The following SLC35D2 variants were observed in gnomAD, a reference collection of about 807,000 sequenced individuals.
The protein encoded by SLC35D2 is solute carrier family 35 member D2.
Under a neutral mutation model 41.8 loss-of-function variants are expected in SLC35D2, and 43 were observed. The ratio of observed to expected loss-of-function variants is 1.03; its 90% confidence interval spans 0.81 to 1.33. The LOEUF is 1.33. Among genes scored for constraint, SLC35D2 ranks in the 40% most tolerant of loss-of-function variants. The pLI is 0.00. For synonymous variants in SLC35D2, 150 were observed against 163.9 expected, an observed-to-expected ratio of 0.92 and a Z score of 0.65; for missense variants, 380 against 408.4, an observed-to-expected ratio of 0.93 and a Z score of 0.60.
chr9:96,346,927 G>A (rs771671468), intron 6 of SLC35D2, among the ~76,000 whole-genome samples: 2 of 151,800 alleles, frequency 1.3e-5, no homozygotes, highest in Non-Finnish European at 2.9e-5. Context: ...ACCTGAGGTC[G>A]GGAGTTCGAA....
intron 6 of SLC35D2, chr9:96,350,740 CA>C (rs1829778355): frequency 5.9e-6 from 1 of 169,738 alleles, no homozygotes; most frequent in South Asian, 1.8e-4. Context: ...AATAAATCAG[CA>C]GACAAAGGCT....
chr9:96,324,798 AC>A (rs2130838459), intron 9 of SLC35D2, among the ~76,000 whole-genome samples: 1 of 151,612 alleles, frequency 6.6e-6, no homozygotes, highest in Non-Finnish European at 1.5e-5. Flanking sequence ...CAGGCAATCC[AC>A]CCGCCTTGGC....
chr9:96,362,556 A>T (rs1486606075), intron 3 of SLC35D2, among the ~76,000 whole-genome samples: 1 of 152,090 alleles, frequency 6.6e-6, no homozygotes, highest in Non-Finnish European at 1.5e-5. Flanking sequence ...ATTTAGAATA[A>T]TTACAAAGAA....
At chr9:96,371,535 A>G (rs962879775) in intron 1 of SLC35D2, among the ~76,000 whole-genome samples, 14 of 149,488 alleles carry the variant, frequency 9.4e-5, no homozygotes, top group African/African-American at 1.2e-4. Context: ...AAGAAACTCA[A>G]TAACTTTAGC....
intron 4 of SLC35D2, among the ~76,000 whole-genome samples, chr9:96,358,093 T>C (rs1229396697): frequency 2.6e-5 from 2 of 76,158 alleles, no homozygotes; most frequent in East Asian, 1.9e-3. Flanking sequence ...TATATATATA[T>C]ATATATATAT....
intron 4 of SLC35D2, among the ~76,000 whole-genome samples, chr9:96,353,374 G>GTTTATTTATTT (rs1829890728): frequency 1.4e-5 from 1 of 71,914 alleles, no homozygotes; most frequent in African/African-American, 7.2e-5. Context: ...TTTATTTAGA[G>GTTTATTTATTT]ATAGAGTCTC....
At chr9:96,336,050 CAAAAA>C (rs56681611) in intron 9 of SLC35D2, among the ~76,000 whole-genome samples, 2 of 110,272 alleles carry the variant, frequency 1.8e-5, no homozygotes. Context: ...ACTCCATCTT[CAAAAA>C]AAAAAAAAAA....
intron 9 of SLC35D2, among the ~76,000 whole-genome samples, chr9:96,325,983 A>C (rs975827002): frequency 8.5e-5 from 13 of 152,212 alleles, no homozygotes; most frequent in African/African-American, 3.1e-4. Context: ...GAATAAACTT[A>C]ACTTCAAACT....
chr9:96,323,608 C>G (rs947029832), intron 10 of SLC35D2, among the ~76,000 whole-genome samples: 4 of 152,066 alleles, frequency 2.6e-5, no homozygotes, highest in Non-Finnish European at 5.9e-5. Flanking sequence ...CAATCTGTCC[C>G]TCTATTCTAT....
At chr9:96,371,012 C>A (rs1830651530) in intron 1 of SLC35D2, among the ~76,000 whole-genome samples, 1 of 152,050 alleles carries the variant, frequency 6.6e-6, no homozygotes, top group South Asian at 2.1e-4. Context: ...GATCATAGTG[C>A]ATGCAGAGGA....
intron 4 of SLC35D2, among the ~76,000 whole-genome samples, chr9:96,356,500 T>C (rs1274745231): frequency 6.7e-6 from 1 of 149,816 alleles, no homozygotes; most frequent in Non-Finnish European, 1.5e-5. Context: ...GTTGGTGTAC[T>C]TATGCTTTCC....
intron 6 of SLC35D2, 26 bp downstream of exon 6, chr9:96,351,077 T>G (rs746770235): frequency 6.4e-7 from 1 of 1,553,486 alleles, no homozygotes; most frequent in South Asian, 1.1e-5. Flanking sequence ...AAGAAGTTAT[T>G]GAGCAGAAAC....
chr9:96,366,864 T>G (rs970111679), intron 2 of SLC35D2, among the ~76,000 whole-genome samples: 1 of 151,972 alleles, frequency 6.6e-6, no homozygotes, highest in African/African-American at 2.4e-5. Context: ...ATTCTTGTTA[T>G]GATTGTTTCT....
At chr9:96,330,474 A>G (rs1413065959) in intron 9 of SLC35D2, among the ~76,000 whole-genome samples, 1 of 152,236 alleles carries the variant, frequency 6.6e-6, no homozygotes, top group Non-Finnish European at 1.5e-5. Context: ...GAATGAAGAC[A>G]GTAACAAAGA....
intron 9 of SLC35D2, among the ~76,000 whole-genome samples, chr9:96,335,318 C>T (rs2130876365): frequency 6.6e-6 from 1 of 152,170 alleles, no homozygotes; most frequent in Middle Eastern, 3.4e-3. Flanking sequence ...AGTGTGGAGG[C>T]GAGGAAGAAT....
intron 9 of SLC35D2, among the ~76,000 whole-genome samples, chr9:96,330,181 G>C (rs1169065407): frequency 1.3e-5 from 2 of 152,194 alleles, no homozygotes; most frequent in Admixed American, 1.3e-4. Context: ...AAAGAGGGAT[G>C]GATTCGCCTC....
chr9:96,317,170 A>T (rs1300244237), downstream of SLC35D2, among the ~76,000 whole-genome samples: 1 of 152,116 alleles, frequency 6.6e-6, no homozygotes, highest in African/African-American at 2.4e-5. Flanking sequence ...ACAGCAAGAA[A>T]TAGTCCAAGT....
At chr9:96,317,390 C>T (rs1828078430), downstream of SLC35D2, among the ~76,000 whole-genome samples, 1 of 152,094 alleles carries the variant, frequency 6.6e-6, no homozygotes, top group East Asian at 1.9e-4. Context: ...CACTTCTCCA[C>T]CTCCAGCACC....
At chr9:96,313,684 G>C (rs1827984671) in exon 12 of SLC35D2, among the ~76,000 whole-genome samples, 1 of 152,200 alleles carries the variant, frequency 6.6e-6, no homozygotes, top group African/African-American at 2.4e-5. Flanking sequence ...AAGAAGCTTA[G>C]GGCAAAGACC....
Sources: gnomAD v4.1 joint callset for allele counts (sites outside exome capture counted in the v4.1 genomes callset) on GRCh38, gnomAD v4.1.1 for gene constraint, MANE v1.5 for transcripts, NCBI Gene and HGNC (gene_info 2026-07-23, HGNC 2026-07-21) for gene names.